The following ENG variants were observed in gnomAD, a reference collection of about 807,000 sequenced individuals.
The protein encoded by ENG is endoglin, also known as CD105 antigen.
In ENG, 17 loss-of-function variants were observed where a neutral mutation model predicts 71.0. The observed-to-expected ratio is 0.24, with a 90% CI of 0.16 to 0.36. The LOEUF (loss-of-function observed/expected upper bound fraction) is 0.36, where lower values mean the gene tolerates loss of function less well. ENG is among the 10% of genes least tolerant of loss of function. The probability of loss-of-function intolerance (pLI) is 1.00; values close to 1 mark genes in which losing one functional copy is unlikely to be tolerated. For synonymous variants in ENG, 360 were observed against 366.9 expected, an observed-to-expected ratio of 0.98 and a Z score of 0.21; for missense variants, 749 against 868.3, an observed-to-expected ratio of 0.86 and a Z score of 1.73.
intron 1 of ENG, chr9:127,847,063 C>G (rs1403028790): frequency 1.9e-6 from 1 of 515,398 alleles, no homozygotes; most frequent in Non-Finnish European, 2.5e-6. Flanking sequence ...CCTCAGTTTC[C>G]CCATTTGCAG....
chr9:127,818,743 G>C lies in ENG; in HGVS notation c.1401C>G (p.Ile467Met), dbSNP rs774869479. 1.2e-6 allele frequency: 2 copies of C among 1,613,970 alleles called. No homozygotes were observed. Among genetic ancestry groups the C allele is most frequent in the Non-Finnish European group, 8.5e-7 (1 of 1,180,016 alleles). ...SPHFLQASNT[I>M]EPGQQSFVQV... The stretch of plus-strand genomic sequence containing the variant: ...GCACAAAGCTCTGCTGCCCCGGCTC[G>C]ATGGTGTTGGAGGCCTGGAGGAAGT... The change falls in exon 11 of 15, where the codon ATC becomes ATG. Residue 467 changes from isoleucine to methionine, a missense_variant. Physicochemically the swap from Ile to Met is conservative, Grantham distance 10. Coordinates refer to ENST00000373203, the MANE Select transcript of ENG (RefSeq NM_001114753.3).
chr9:127,817,839 T>G, intron 12 of ENG: 1 of 550,606 alleles, frequency 1.8e-6, no homozygotes. Flanking sequence ...GGAGGGTGGA[T>G]GGATGGATGG....
At chr9:127,816,613 C>T (rs1830322646) in intron 13 of ENG, 1 of 243,382 alleles carries the variant, frequency 4.1e-6, no homozygotes, top group Non-Finnish European at 8.2e-6. Flanking sequence ...TGGTCCTGGG[C>T]TGGGAGTGGA....
At chr9:127,829,161 T>G (rs1830698874) in intron 3 of ENG, among the ~76,000 whole-genome samples, 1 of 152,210 alleles carries the variant, frequency 6.6e-6, no homozygotes, top group Non-Finnish European at 1.5e-5. Flanking sequence ...AAAATACTTT[T>G]TTCTCCAAAA....
chr9:127,838,333 G>A lies in ENG; in HGVS notation c.219+4761C>T, dbSNP rs1175621692. On this transcript the variant is annotated intron_variant, in intron 2 of 14. Transcript: ENST00000373203. The surrounding 1 kb of genome is among the most constrained non-coding windows in gnomAD (Gnocchi z 4.3). ...CCACAGAGTCCCCACCCTGGGAGAG[G>A]GCTGCCATTGGCAGAGGGCCAGAGG... is the stretch of plus-strand genomic sequence containing the variant. Among the ~76,000 whole-genome samples the A allele has an allele frequency of 1.3e-5, 2 of 152,196 alleles. No homozygotes were observed. The highest frequency in any genetic ancestry group is 6.5e-5 in the Admixed American group (1 of 15,292).
At chr9:127,826,738 AG>A in intron 3 of ENG, 66 bp from the exon 4 acceptor site, 1 of 1,590,410 alleles carries the variant, frequency 6.3e-7, no homozygotes, top group Non-Finnish European at 8.6e-7. Flanking sequence ...CCCATGTAGG[AG>A]GTCAGGAAGT....
intron 8 of ENG, among the ~76,000 whole-genome samples, chr9:127,823,390 CT>C (rs146160476): frequency 0.21 from 30,115 of 142,852 alleles, 3,147 homozygotes; most frequent in African/African-American, 0.22. Context: ...ATTGTATAGG[CT>C]TTTTTTTTTT....
At chr9:127,832,151 C>T (rs759981680) in intron 2 of ENG, among the ~76,000 whole-genome samples, 12 of 146,632 alleles carry the variant, frequency 8.2e-5, no homozygotes, top group Non-Finnish European at 1.6e-4. Flanking sequence ...CCTCGGCTCA[C>T]TGCAACCTCT....
At chr9:127,845,045 TC>T (rs796161184) in intron 1 of ENG, among the ~76,000 whole-genome samples, 46 of 152,286 alleles carry the variant, frequency 3.0e-4, no homozygotes, top group African/African-American at 1.0e-3. Flanking sequence ...CTCCTACACC[TC>T]GTCCTGAGGA....
At chr9:127,834,155 C>T (rs566151373) in intron 2 of ENG, among the ~76,000 whole-genome samples, 12 of 152,320 alleles carry the variant, frequency 7.9e-5, no homozygotes, top group African/African-American at 2.6e-4. Context: ...TCACTGCCAC[C>T]TCCGCCTCCT....
intron 10 of ENG, 63 bp from the exon 11 acceptor site, chr9:127,818,895 G>A: frequency 1.4e-6 from 2 of 1,445,212 alleles, no homozygotes; most frequent in Non-Finnish European, 9.7e-7. Context: ...GGCGAGGGGT[G>A]TGGGGAGGAA....
intron 10 of ENG, 77 bp from the exon 11 acceptor site, chr9:127,818,909 G>T: frequency 8.0e-7 from 1 of 1,253,168 alleles, no homozygotes; most frequent in Non-Finnish European, 1.2e-6. Context: ...GGAGGAACAG[G>T]CATCATGGCC....
intron 2 of ENG, among the ~76,000 whole-genome samples, chr9:127,842,829 C>G: frequency 6.8e-6 from 1 of 147,678 alleles, no homozygotes; most frequent in East Asian, 1.9e-4. Context: ...TCACCTGGTC[C>G]CCCCCACCCA....
intron 2 of ENG, among the ~76,000 whole-genome samples, chr9:127,832,069 CTTTTTT>C (rs1041729379): frequency 7.2e-5 from 6 of 83,642 alleles, no homozygotes; most frequent in African/African-American, 2.8e-4. Context: ...AGCTACCATT[CTTTTTT>C]TTTTTTTTTT....
Position 127,854,526 on chromosome 9 carries a change from A to G in ENG, c.-171T>C. The G allele has an allele frequency of 1.5e-6, 1 of 645,328 alleles. No homozygotes were observed. 40.0% of individuals were successfully genotyped at this position (645,328 alleles called of 1,614,324 possible). A position where few individuals can be genotyped will look rare whatever the true frequency, so the allele number is the denominator to read the frequency against. ...GGGGTGGCGGCCGAGGGGTCAGGAGAAGTGGACACAGGGACGCGGGGCTGG... is the reference window on the plus strand; with the variant it reads ...GGGGTGGCGGCCGAGGGGTCAGGAGGAGTGGACACAGGGACGCGGGGCTGG... On this transcript the variant is annotated 5_prime_UTR_variant, in exon 1 of 15. Transcript: ENST00000373203.
chr9:127,817,172 T>G lies in ENG; in HGVS notation c.1718A>C (p.Asn573Thr). Reference protein sequence around the residue: ...EVHRTVFMRLNIISPDLSGCT... With the variant: ...EVHRTVFMRLTIISPDLSGCT... ...ACCAGACAGGTCAGGGCTGATGATG[T>G]TCAAGCGCATGAAGACAGTCCTATG... Residue 573 changes from asparagine (N) to threonine (T), a missense_variant, in exon 13 of 15, where the codon AAC becomes ACC. By Grantham distance (65) the Asn-to-Thr change is moderately conservative. Coordinates refer to ENST00000373203, the MANE Select transcript of ENG (RefSeq NM_001114753.3). 1 of 1,614,150 alleles carries G rather than the reference T, an allele frequency of 6.2e-7. No individual in the cohort carries two copies. The highest frequency in any genetic ancestry group is 8.5e-7 in the Non-Finnish European group (1 of 1,180,022).
At chr9:127,817,265 C>T in intron 12 of ENG, 62 bp from the exon 13 acceptor site, 1 of 1,579,714 alleles carries the variant, frequency 6.3e-7, no homozygotes, top group Non-Finnish European at 8.7e-7. Flanking sequence ...GGTTTACTCC[C>T]TGGCTCCGTG....
At chr9:127,826,162 G>A (rs1368336596) in intron 4 of ENG, among the ~76,000 whole-genome samples, 3 of 152,230 alleles carry the variant, frequency 2.0e-5, no homozygotes, top group Admixed American at 6.5e-5. Context: ...ACATGTACAT[G>A]TTTATTGTCA....
intron 4 of ENG, 99 bp downstream of exon 4, chr9:127,826,411 C>A: frequency 6.6e-7 from 1 of 1,508,130 alleles, no homozygotes; most frequent in East Asian, 2.3e-5. Context: ...CGTGTCCCCT[C>A]CTGCACTCTT....
Sources: gnomAD v4.1 joint callset for allele counts (sites outside exome capture counted in the v4.1 genomes callset) on GRCh38, gnomAD v4.1.1 for gene constraint, Gnocchi (gnomAD v3.1) non-coding constraint, MANE v1.5 for transcripts, NCBI Gene and HGNC (gene_info 2026-07-23, HGNC 2026-07-21) for gene names.